DTNB: variants seen among roughly 807,000 people sequenced by gnomAD.
The protein encoded by DTNB is dystrobrevin beta.
DTNB carries 63 observed loss-of-function variants against 90.7 expected under a neutral mutation model. That is an observed-to-expected ratio of 0.69 (90% CI 0.57 to 0.86). The LOEUF is 0.86. Among genes scored for constraint, DTNB ranks in the 40% least tolerant of loss-of-function variants. The probability of loss-of-function intolerance (pLI) is 0.00; values close to 1 mark genes in which losing one functional copy is unlikely to be tolerated. For missense variants in DTNB, 744 were observed against 807.1 expected, an observed-to-expected ratio of 0.92 and a Z score of 0.95; for synonymous variants, 277 against 286.7, an observed-to-expected ratio of 0.97 and a Z score of 0.34.
chr2:25,430,478 C>G (rs1250077368), intron 14 of DTNB, among the ~76,000 whole-genome samples: 1 of 152,000 alleles, frequency 6.6e-6, no homozygotes, highest in African/African-American at 2.4e-5. Context: ...GAATGAGCTA[C>G]AGCTACATCC....
chr2:25,627,322 G>A (rs2074399702), intron 4 of DTNB, among the ~76,000 whole-genome samples: 2 of 152,204 alleles, frequency 1.3e-5, no homozygotes, highest in South Asian at 4.1e-4. Flanking sequence ...TGAGGCAGGA[G>A]AATCGCTTGA....
chr2:25,482,792 G>A lies in DTNB; in HGVS notation c.1079+4C>T, dbSNP rs763873937. On this transcript the variant is annotated splice_donor_region_variant and intron_variant, in intron 10 of 20. Coordinates refer to ENST00000406818, the MANE Select transcript of DTNB (RefSeq NM_021907.5). ...CCCAAGTCGAAGGCACAAGACATAC[G>A]TACCTCTTGGTGGGAGTGGGCACTC... 9.3e-6 allele frequency: 15 copies of A among 1,613,446 alleles called. No homozygotes were observed. In the East Asian group the frequency reaches 1.3e-4, roughly 14 times the overall value.
chr2:25,384,510 G>A (rs1159350017), intron 18 of DTNB, among the ~76,000 whole-genome samples: 2 of 152,180 alleles, frequency 1.3e-5, no homozygotes, highest in Non-Finnish European at 2.9e-5. Flanking sequence ...TTGAATAGGA[G>A]CCTTGGAAAA....
intron 4 of DTNB, among the ~76,000 whole-genome samples, chr2:25,627,968 C>T (rs1251303954): frequency 1.3e-5 from 2 of 152,116 alleles, no homozygotes; most frequent in East Asian, 3.9e-4. Context: ...CATCTCCTGA[C>T]CTTGTGATTT....
intron 13 of DTNB, 126 bp downstream of exon 13, chr2:25,433,784 C>G: frequency 9.7e-7 from 1 of 1,035,180 alleles, no homozygotes; most frequent in Non-Finnish European, 1.5e-6. Context: ...TTGGGCTAGC[C>G]TAGGTTCACT....
At chr2:25,478,346 C>T (rs1044906821) in intron 10 of DTNB, among the ~76,000 whole-genome samples, 1 of 152,136 alleles carries the variant, frequency 6.6e-6, no homozygotes, top group Admixed American at 6.5e-5. Flanking sequence ...AGTGCGAGAG[C>T]GTCGGCAGTT....
chr2:25,531,649 G>A, intron 8 of DTNB, 52 bp from the exon 9 acceptor site: 2 of 1,556,812 alleles, frequency 1.3e-6, no homozygotes, highest in East Asian at 2.3e-5. Context: ...AGAATGAAAG[G>A]AACTTCAAAA....
chr2:25,480,198 G>A (rs2064641076), intron 10 of DTNB, among the ~76,000 whole-genome samples: 1 of 152,122 alleles, frequency 6.6e-6, no homozygotes, highest in South Asian at 2.1e-4. Context: ...GGTAGGGTAG[G>A]AGCATTTTGT....
At chr2:25,662,311 GC>G (rs2083342935) in intron 1 of DTNB, among the ~76,000 whole-genome samples, 1 of 152,116 alleles carries the variant, frequency 6.6e-6, no homozygotes, top group Non-Finnish European at 1.5e-5. Context: ...ATCAACAGAA[GC>G]ATGGGAAAAT....
At chr2:25,381,232 ATG>A (rs2037658487) in intron 19 of DTNB, among the ~76,000 whole-genome samples, 2 of 152,164 alleles carry the variant, frequency 1.3e-5, no homozygotes, top group Non-Finnish European at 2.9e-5. Flanking sequence ...TGTTTGCAGC[ATG>A]TGTTTACACC....
chr2:25,616,630 T>TAAAAAAAAAAAAAAAAAAAAAAAAAAAAA (rs58950790), intron 4 of DTNB, among the ~76,000 whole-genome samples: 6 of 117,670 alleles, frequency 5.1e-5, no homozygotes, highest in African/African-American at 1.7e-4. Context: ...CTATTTATAG[T>TAAAAAAAAAAAAAAAAAAAAAAAAAAAAA]AAAAAAAAAA....
intron 6 of DTNB, among the ~76,000 whole-genome samples, chr2:25,590,967 C>T (rs750647158): frequency 1.3e-5 from 2 of 152,258 alleles, no homozygotes; most frequent in African/African-American, 2.4e-5. Context: ...GGCCCGTGGC[C>T]TTCCTCCCAT....
intron 16 of DTNB, among the ~76,000 whole-genome samples, chr2:25,407,211 C>T (rs1032885419): frequency 2.0e-5 from 3 of 152,064 alleles, no homozygotes; most frequent in Non-Finnish European, 4.4e-5. Flanking sequence ...CAAATCAAAA[C>T]CACAATGAGA....
chr2:25,448,577 G>A (rs887387762), intron 12 of DTNB, among the ~76,000 whole-genome samples: 4 of 151,960 alleles, frequency 2.6e-5, no homozygotes, highest in African/African-American at 9.7e-5. Flanking sequence ...TTCCATTGAC[G>A]GGCGCGGTGG....
chr2:25,540,378 T>C (rs953220664), intron 8 of DTNB, among the ~76,000 whole-genome samples: 2 of 152,258 alleles, frequency 1.3e-5, no homozygotes, highest in African/African-American at 4.8e-5. Flanking sequence ...TTATTCCTAG[T>C]TATTTTATAA....
At chr2:25,557,872 A>G (rs183430131) in intron 8 of DTNB, among the ~76,000 whole-genome samples, 1 of 152,340 alleles carries the variant, frequency 6.6e-6, no homozygotes, top group African/African-American at 2.4e-5. Context: ...AAATTATTAG[A>G]ACCACATATT....
chr2:25,625,999 C>A (rs956581770), intron 4 of DTNB, among the ~76,000 whole-genome samples: 3 of 152,100 alleles, frequency 2.0e-5, no homozygotes, highest in Non-Finnish European at 4.4e-5. Context: ...GAAAGGAGGC[C>A]CTCCCCACAC....
At chr2:25,543,564 A>G (rs2081788888) in intron 8 of DTNB, among the ~76,000 whole-genome samples, 1 of 152,170 alleles carries the variant, frequency 6.6e-6, no homozygotes, top group Non-Finnish European at 1.5e-5. Flanking sequence ...TCGGCCACCT[A>G]AAGTGCTGGG....
chr2:25,437,514 G>A (rs1015502160), intron 12 of DTNB, among the ~76,000 whole-genome samples: 11 of 152,022 alleles, frequency 7.2e-5, no homozygotes, highest in Admixed American at 1.3e-4. Flanking sequence ...TGCTCACCTC[G>A]GCCTTCCCGA....
Sources: allele counts gnomAD v4.1 joint callset (sites outside exome capture counted in the v4.1 genomes callset), GRCh38; gene constraint gnomAD v4.1.1; transcripts MANE v1.5; gene names NCBI Gene and HGNC (gene_info 2026-07-23, HGNC 2026-07-21).